Variants in CADPS2 observed in about 807,000 individuals in gnomAD.
CADPS2 encodes calcium dependent secretion activator 2, also known as calcium-dependent secretion activator 2.
CADPS2 carries 93 observed loss-of-function variants against 172.5 expected under a neutral mutation model. The observed-to-expected ratio is 0.54, with a 90% CI of 0.46 to 0.64. CADPS2 has a LOEUF of 0.64. Ranked by LOEUF, CADPS2 falls within the 30% of genes least tolerant of loss-of-function variation. CADPS2 has a pLI of 0.00. For missense variants in CADPS2, 1,420 were observed against 1,565.9 expected, an observed-to-expected ratio of 0.91 and a Z score of 1.57; for synonymous variants, 546 against 555.2, an observed-to-expected ratio of 0.98 and a Z score of 0.23.
At chr7:122,663,632 C>G in intron 2 of CADPS2, 63 bp from the exon 3 acceptor site, 6 of 1,239,886 alleles carry the variant, frequency 4.8e-6, no homozygotes, top group Non-Finnish European at 6.7e-6. Flanking sequence ...GATGCTAACA[C>G]CACTTGCTTT....
intron 2 of CADPS2, among the ~76,000 whole-genome samples, chr7:122,722,611 T>C (rs1466135527): frequency 7.3e-6 from 1 of 136,794 alleles, no homozygotes; most frequent in Admixed American, 7.7e-5. Context: ...AAAATGGCCA[T>C]AATGCCCAAG....
chr7:122,527,617 A>AGAGAGATAGAGTGTGTGT, intron 8 of CADPS2, among the ~76,000 whole-genome samples: 1 of 83,806 alleles, frequency 1.2e-5, no homozygotes, highest in African/African-American at 4.1e-5. Flanking sequence ...AGAGAGAGAG[A>AGAGAGATAGAGTGTGTGT]GTGTGTGTGT....
intron 1 of CADPS2, among the ~76,000 whole-genome samples, chr7:122,775,271 T>C (rs1455506231): frequency 6.6e-6 from 1 of 152,242 alleles, no homozygotes; most frequent in East Asian, 1.9e-4. Context: ...TAGTCTGCCA[T>C]AGCGTCATAG....
intron 2 of CADPS2, among the ~76,000 whole-genome samples, chr7:122,696,620 G>C (rs2085145617): frequency 6.6e-6 from 1 of 152,072 alleles, no homozygotes; most frequent in Non-Finnish European, 1.5e-5. Context: ...ACCCTCCAAG[G>C]CTGCGCAGCA....
Position 122,615,625 on chromosome 7 carries a change from C to T in CADPS2, c.1105-326G>A, listed in dbSNP as rs578088117. ...CTTAACAAATTAAGGCAAGTCTGCACATTAAGCAGAATCACAAATGAAAAT... is the reference window on the plus strand; with the variant it reads ...CTTAACAAATTAAGGCAAGTCTGCATATTAAGCAGAATCACAAATGAAAAT... On this transcript the variant is annotated intron_variant, in intron 5 of 29. Coordinates refer to ENST00000449022, the MANE Select transcript of CADPS2 (RefSeq NM_017954.11). Among the ~76,000 whole-genome samples the T allele has an allele frequency of 1.6e-3, 243 of 152,092 alleles. 2 individuals carry two copies. Among genetic ancestry groups the T allele is most frequent in the Middle Eastern group, 3.4e-3 (1 of 294 alleles).
intron 27 of CADPS2, among the ~76,000 whole-genome samples, chr7:122,360,475 C>T (rs1043260711): frequency 2.6e-5 from 4 of 152,098 alleles, no homozygotes; most frequent in Admixed American, 6.6e-5. Flanking sequence ...GGAGGAAAAG[C>T]GAGCAGTTTT....
At chr7:122,744,429 A>G (rs2092632138) in intron 1 of CADPS2, among the ~76,000 whole-genome samples, 1 of 152,182 alleles carries the variant, frequency 6.6e-6, no homozygotes, top group Admixed American at 6.5e-5. Flanking sequence ...GGAAAATACC[A>G]TGGTACTATC....
intron 2 of CADPS2, among the ~76,000 whole-genome samples, chr7:122,677,192 G>A (rs1160229846): frequency 6.6e-6 from 1 of 152,184 alleles, no homozygotes; most frequent in African/African-American, 2.4e-5. Context: ...TATGCCTGTG[G>A]CTTGATAAAT....
In CADPS2 at chr7:122,683,929, G is replaced by A. The variant is rs187737334; in HGVS notation, c.454-20360C>T. Among the ~76,000 whole-genome samples, 24 of 152,068 alleles carry A rather than the reference G, an allele frequency of 1.6e-4. No individual in the cohort carries two copies. In the East Asian group the frequency reaches 3.3e-3, roughly 21 times the overall value. ...AGTTAGTGTGGGGGTGTGTGTGAGC[G>A]TGCCCTGTGATGAGATGGCATCCTC... On this transcript the variant is annotated intron_variant, in intron 2 of 29. Coordinates refer to ENST00000449022, the MANE Select transcript of CADPS2 (RefSeq NM_017954.11).
chr7:122,490,381 T>A (rs980833931), intron 10 of CADPS2, 100 bp from the exon 11 acceptor site: 11 of 839,228 alleles, frequency 1.3e-5, no homozygotes, highest in Middle Eastern at 2.3e-4. Context: ...GCTTTGATAT[T>A]AGCAGTTAAA....
chr7:122,577,919 T>C (rs1034918329), intron 7 of CADPS2, among the ~76,000 whole-genome samples: 1 of 152,020 alleles, frequency 6.6e-6, no homozygotes, highest in African/African-American at 2.4e-5. Flanking sequence ...CAAATTTAAA[T>C]GCTACCCGAA....
rs143932775 is a variant in CADPS2 at position 122,644,958 on chromosome 7, A to G, written c.787-15630T>C. Among the ~76,000 whole-genome samples, 18 of 152,226 alleles carry G rather than the reference A, an allele frequency of 1.2e-4. No individual in the cohort carries two copies. The East Asian group carries it at 3.5e-3, about 30-fold the overall frequency. ...TTTCATGGATTCTTGTAGAACAGTT[A>G]TAAGGGTCTTAAAAATGCATTTCCC... On this transcript the variant is annotated intron_variant, in intron 3 of 29. Transcript: ENST00000449022.
intron 1 of CADPS2, among the ~76,000 whole-genome samples, chr7:122,827,155 C>T (rs963275880): frequency 1.3e-4 from 20 of 152,034 alleles, no homozygotes; most frequent in Non-Finnish European, 1.0e-4. Flanking sequence ...CAACTTGATG[C>T]TCAAAAATAT....
At chr7:122,783,264 C>G (rs1793226737) in intron 1 of CADPS2, among the ~76,000 whole-genome samples, 1 of 151,210 alleles carries the variant, frequency 6.6e-6, no homozygotes, top group African/African-American at 2.4e-5. Flanking sequence ...AGTCTGATAT[C>G]TGGCTTGTAA....
chr7:122,797,496 C>T (rs188757176), intron 1 of CADPS2, among the ~76,000 whole-genome samples: 9 of 152,104 alleles, frequency 5.9e-5, no homozygotes, highest in African/African-American at 2.2e-4. Context: ...GTACATATAC[C>T]CCATGGAACA....
intron 17 of CADPS2, among the ~76,000 whole-genome samples, chr7:122,428,746 G>C (rs1206889349): frequency 1.3e-5 from 2 of 152,090 alleles, no homozygotes; most frequent in Non-Finnish European, 2.9e-5. Context: ...TGGGATTACA[G>C]GCATGAGCCA....
intron 5 of CADPS2, among the ~76,000 whole-genome samples, chr7:122,616,146 C>T (rs1308518814): frequency 6.6e-6 from 1 of 151,996 alleles, no homozygotes; most frequent in Non-Finnish European, 1.5e-5. Flanking sequence ...TCAAAAGTTG[C>T]ATCATGAACT....
At chr7:122,563,570 A>G (rs908111722) in intron 7 of CADPS2, among the ~76,000 whole-genome samples, 4 of 152,178 alleles carry the variant, frequency 2.6e-5, no homozygotes, top group African/African-American at 9.6e-5. Flanking sequence ...TCAATTCAAC[A>G]TATTATCTCC....
intron 9 of CADPS2, among the ~76,000 whole-genome samples, chr7:122,502,885 A>G (rs1443444806): frequency 1.3e-5 from 2 of 151,942 alleles, no homozygotes; most frequent in Admixed American, 6.6e-5. Flanking sequence ...GGTTATAGAA[A>G]CTTTTTATTA....
Sources: allele counts gnomAD v4.1 joint callset (sites outside exome capture counted in the v4.1 genomes callset), GRCh38; gene constraint gnomAD v4.1.1; transcripts MANE v1.5; gene names NCBI Gene and HGNC (gene_info 2026-07-23, HGNC 2026-07-21).